CBLB: variants seen among roughly 807,000 people sequenced by gnomAD.
CBLB encodes the protein E3 ubiquitin-protein ligase CBL-B.
CBLB carries 31 observed loss-of-function variants against 104.9 expected under a neutral mutation model. The ratio of observed to expected loss-of-function variants is 0.30; its 90% confidence interval spans 0.22 to 0.40. The LOEUF (loss-of-function observed/expected upper bound fraction) is 0.40, where lower values mean the gene tolerates loss of function less well. CBLB is among the 10% of genes least tolerant of loss of function. CBLB has a pLI of 1.00. For missense variants in CBLB, 1,062 were observed against 1,214.6 expected, an observed-to-expected ratio of 0.87 and a Z score of 1.87; for synonymous variants, 440 against 422.6, an observed-to-expected ratio of 1.04 and a Z score of -0.51.
intron 2 of CBLB, among the ~76,000 whole-genome samples, chr3:105,857,514 A>T (rs2091728907): frequency 3.3e-5 from 5 of 152,228 alleles, no homozygotes; most frequent in Non-Finnish European, 5.9e-5. Flanking sequence ...TTCCAGATTT[A>T]AAAAAACTAA....
chr3:105,740,619 C>T lies in CBLB; in HGVS notation c.858G>A (p.Arg286=). Residue 286 remains arginine (R), a synonymous_variant, in exon 7 of 19, where the codon CGG becomes CGA. Coordinates refer to ENST00000394030, the MANE Select transcript of CBLB (RefSeq NM_170662.5). ...ACTGTCCCAATCGAGTGCAACTTAA[C>T]CGGAAAATATAGCTGCAAAACATAA... ...YSTKPGSYIF[R]LSCTRLGQWA... 1 of 1,613,778 alleles carries T rather than the reference C, an allele frequency of 6.2e-7. No individual in the cohort carries two copies. The highest frequency in any genetic ancestry group is 1.1e-5 in the South Asian group (1 of 91,070).
intron 3 of CBLB, among the ~76,000 whole-genome samples, chr3:105,842,534 A>G (rs1414930409): frequency 6.6e-6 from 1 of 152,178 alleles, no homozygotes; most frequent in African/African-American, 2.4e-5. Context: ...CAAAGTTTCA[A>G]TATACCGCTA....
chr3:105,716,322 G>T (rs1202641822), intron 10 of CBLB, among the ~76,000 whole-genome samples: 1 of 152,158 alleles, frequency 6.6e-6, no homozygotes, highest in Non-Finnish European at 1.5e-5. Flanking sequence ...TTGCCCTAAA[G>T]GAACATGTGT....
Position 105,733,579 on chromosome 3 carries a change from G to A in CBLB, c.1203+430C>T, listed in dbSNP as rs184443469. On this transcript the variant is annotated intron_variant, in intron 9 of 18. Transcript: ENST00000394030. The stretch of plus-strand genomic sequence containing the variant: ...TCTGATTCTCCAATTTCAGCACTAC[G>A]GAGCATATGTGAGACAGGAACCATG... Among the ~76,000 whole-genome samples, 8 of 152,212 alleles carry A rather than the reference G, an allele frequency of 5.3e-5. 1 individual carries two copies. The South Asian group carries it at 1.2e-3, about 24-fold the overall frequency.
At chr3:105,727,122 C>T (rs1177920188) in intron 9 of CBLB, among the ~76,000 whole-genome samples, 2 of 152,186 alleles carry the variant, frequency 1.3e-5, no homozygotes, top group South Asian at 4.1e-4. Flanking sequence ...CTTGAGGAAT[C>T]ACCACACCAT....
intron 4 of CBLB, among the ~76,000 whole-genome samples, chr3:105,757,033 T>C (rs964886435): frequency 6.6e-6 from 1 of 152,128 alleles, no homozygotes; most frequent in Non-Finnish European, 1.5e-5. Flanking sequence ...ACATGCAGGC[T>C]CTGTTTCACC....
chr3:105,853,810 G>A, intron 2 of CBLB, 146 bp from the exon 3 acceptor site: 1 of 612,428 alleles, frequency 1.6e-6, no homozygotes, highest in African/African-American at 1.8e-5. Context: ...TTAACTGATA[G>A]TCACGTTTGT....
At chr3:105,776,566 GAAGAT>G in intron 3 of CBLB, 24 bp from the exon 4 acceptor site, 1 of 1,611,590 alleles carries the variant, frequency 6.2e-7, no homozygotes. Flanking sequence ...GGAAAAAAAT[GAAGAT>G]AAGAAATAAA....
chr3:105,770,267 G>A (rs2078711639), intron 4 of CBLB, among the ~76,000 whole-genome samples: 1 of 152,040 alleles, frequency 6.6e-6, no homozygotes, highest in Admixed American at 6.5e-5. Context: ...TACTACGTGA[G>A]ACAGGTGAAA....
At chr3:105,846,209 T>A (rs903674170) in intron 3 of CBLB, among the ~76,000 whole-genome samples, 3 of 151,916 alleles carry the variant, frequency 2.0e-5, no homozygotes, top group Admixed American at 2.0e-4. Context: ...TACTTGCAAT[T>A]GGTCCTTTGT....
chr3:105,793,121 C>T (rs931586784), intron 3 of CBLB, among the ~76,000 whole-genome samples: 1 of 151,972 alleles, frequency 6.6e-6, no homozygotes, highest in Non-Finnish European at 1.5e-5. Context: ...GTCCTGAGAA[C>T]CTCTAATCAA....
intron 3 of CBLB, among the ~76,000 whole-genome samples, chr3:105,798,093 T>C (rs956601792): frequency 2.6e-5 from 4 of 152,244 alleles, no homozygotes; most frequent in Admixed American, 2.0e-4. Flanking sequence ...ATTTAGTTTT[T>C]GTAAGAGACA....
intron 2 of CBLB, among the ~76,000 whole-genome samples, chr3:105,858,041 C>T (rs986657672): frequency 6.6e-6 from 1 of 152,108 alleles, no homozygotes; most frequent in South Asian, 2.1e-4. Context: ...GAAGTAAATG[C>T]AGTTATTCTA....
chr3:105,755,416 G>A (rs931675064), intron 4 of CBLB, among the ~76,000 whole-genome samples: 1 of 151,814 alleles, frequency 6.6e-6, no homozygotes, highest in African/African-American at 2.4e-5. Flanking sequence ...GTGGAGAAGT[G>A]TATTAGATAT....
At position 105,838,083 on chromosome 3, in the gene CBLB, C is replaced by CTTT. The variant is rs11294272; in HGVS notation, c.419+15328_419+15330dup. ...TATTACCTTTTTTTTTCCTTTTTTT[C>CTTT]TTTTTTTTTTTTTTTCTGAGACACG... On this transcript the variant is annotated intron_variant, in intron 3 of 18. Transcript: ENST00000394030. Among the ~76,000 whole-genome samples the CTTT allele has an allele frequency of 6.1e-3, 712 of 116,334 alleles. 10 individuals are homozygous for CTTT. The highest frequency in any genetic ancestry group is 0.022 in the African/African-American group (678 of 30,782). 76.3% of individuals were successfully genotyped at this position (116,334 alleles called of 152,430 possible).
intron 4 of CBLB, among the ~76,000 whole-genome samples, chr3:105,758,546 C>A (rs558634233): frequency 2.0e-5 from 3 of 152,316 alleles, no homozygotes; most frequent in South Asian, 2.1e-4. Flanking sequence ...ACTGACTCAA[C>A]CTGGCGGGCC....
At chr3:105,856,695 TA>T (rs1358924313) in intron 2 of CBLB, among the ~76,000 whole-genome samples, 2 of 152,200 alleles carry the variant, frequency 1.3e-5, no homozygotes, top group Non-Finnish European at 2.9e-5. Flanking sequence ...TAGGCTTAGT[TA>T]AAAAGTAATA....
At chr3:105,840,911 T>C (rs1451443835) in intron 3 of CBLB, among the ~76,000 whole-genome samples, 2 of 152,132 alleles carry the variant, frequency 1.3e-5, no homozygotes, top group Non-Finnish European at 2.9e-5. Flanking sequence ...GTCTTCTCTT[T>C]TAAAGGATAA....
chr3:105,675,346 T>C (rs1182212932), intron 17 of CBLB, among the ~76,000 whole-genome samples: 3 of 152,222 alleles, frequency 2.0e-5, no homozygotes, highest in Admixed American at 6.5e-5. Flanking sequence ...TTAGCATTTA[T>C]AGCATATTCT....
Sources: gnomAD v4.1 joint callset for allele counts (sites outside exome capture counted in the v4.1 genomes callset) on GRCh38, gnomAD v4.1.1 for gene constraint, MANE v1.5 for transcripts, NCBI Gene and HGNC (gene_info 2026-07-23, HGNC 2026-07-21) for gene names.